Variants in AGBL1 observed in about 807,000 individuals in gnomAD.
The protein encoded by AGBL1 is AGBL carboxypeptidase 1.
Under a neutral mutation model 118.9 loss-of-function variants are expected in AGBL1, and 130 were observed. The ratio of observed to expected loss-of-function variants is 1.09; its 90% confidence interval spans 0.95 to 1.26. The LOEUF is 1.26. Ranked by LOEUF, AGBL1 falls within the 50% of genes most tolerant of loss-of-function variation. The probability of loss-of-function intolerance (pLI) is 0.00; values close to 1 mark genes in which losing one functional copy is unlikely to be tolerated. For missense variants in AGBL1, 1,584 were observed against 1,298.1 expected (o/e 1.22, Z -3.38); for synonymous variants, 555 against 478.9 (o/e 1.16, Z -2.08).
At chr15:86,781,362 T>G (rs2078333505) in intron 22 of AGBL1, among the ~76,000 whole-genome samples, 1 of 152,216 alleles carries the variant, frequency 6.6e-6, no homozygotes, top group Non-Finnish European at 1.5e-5. Context: ...GTGCACATTA[T>G]GCCTCTAATT....
At chr15:86,112,195 C>T (rs1897430706) in intron 1 of AGBL1, among the ~76,000 whole-genome samples, 1 of 151,878 alleles carries the variant, frequency 6.6e-6, no homozygotes, top group South Asian at 2.1e-4. Context: ...CAACTACCAC[C>T]CCACACCCAC....
intron 18 of AGBL1, among the ~76,000 whole-genome samples, chr15:86,438,689 T>C (rs1430468311): frequency 6.9e-6 from 1 of 145,000 alleles, no homozygotes; most frequent in Non-Finnish European, 1.5e-5. Context: ...TGAGGTGGAG[T>C]CTCGCTCTGT....
intron 5 of AGBL1, among the ~76,000 whole-genome samples, chr15:86,163,039 C>T (rs2077289153): frequency 6.6e-6 from 1 of 152,236 alleles, no homozygotes; most frequent in Admixed American, 6.5e-5. Flanking sequence ...TGTCTTTTCT[C>T]CTCCCTAAAT....
chr15:86,419,107 A>T (rs370574753), intron 18 of AGBL1, among the ~76,000 whole-genome samples: 7 of 151,946 alleles, frequency 4.6e-5, no homozygotes, highest in African/African-American at 1.7e-4. Context: ...ATATCTTGGC[A>T]CTTTTGTCCA....
intron 18 of AGBL1, among the ~76,000 whole-genome samples, chr15:86,413,903 C>T (rs2142013900): frequency 6.6e-6 from 1 of 151,920 alleles, no homozygotes; most frequent in East Asian, 1.9e-4. Flanking sequence ...TTCACAGTAG[C>T]AAAGATGTGG....
intron 21 of AGBL1, among the ~76,000 whole-genome samples, chr15:86,644,022 A>G (rs2085233823): frequency 1.3e-5 from 2 of 152,184 alleles, no homozygotes; most frequent in South Asian, 4.1e-4. Flanking sequence ...TAAACAAAAA[A>G]TTTTAAACTA....
chr15:86,151,765 GT>G (rs2077114727), intron 3 of AGBL1, among the ~76,000 whole-genome samples: 1 of 152,098 alleles, frequency 6.6e-6, no homozygotes, highest in African/African-American at 2.4e-5. Context: ...ATGATTGTAT[GT>G]TTAGAAAACC....
chr15:86,495,858 T>A (rs778869742), intron 18 of AGBL1, among the ~76,000 whole-genome samples: 3 of 151,970 alleles, frequency 2.0e-5, no homozygotes, highest in Non-Finnish European at 2.9e-5. Context: ...TTTTTCCTAT[T>A]TGATCTGTAT....
At chr15:86,326,942 T>TA (rs2080193510) in intron 17 of AGBL1, among the ~76,000 whole-genome samples, 1 of 150,520 alleles carries the variant, frequency 6.6e-6, no homozygotes, top group African/African-American at 2.5e-5. Context: ...TTTTTTTTTT[T>TA]AATTTTGCAC....
At chr15:86,301,299 T>C (rs939737494) in intron 17 of AGBL1, among the ~76,000 whole-genome samples, 1 of 152,060 alleles carries the variant, frequency 6.6e-6, no homozygotes, top group Non-Finnish European at 1.5e-5. Context: ...GGTGAGAGAT[T>C]GGGCTGAGGG....
At chr15:86,805,508 G>T (rs1367304427) in intron 22 of AGBL1, among the ~76,000 whole-genome samples, 4 of 151,768 alleles carry the variant, frequency 2.6e-5, no homozygotes, top group Non-Finnish European at 4.4e-5. Flanking sequence ...AATGTGTAGG[G>T]CTCTGTGCTG....
intron 22 of AGBL1, among the ~76,000 whole-genome samples, chr15:86,827,937 G>GTTTTTTTTTTTTTTTTTTTTT (rs71460225): frequency 2.4e-3 from 19 of 7,784 alleles, no homozygotes; most frequent in Non-Finnish European, 3.0e-3. Flanking sequence ...TTGATGTAGG[G>GTTTTTTTTTTTTTTTTTTTTT]CTTTTTTTTT....
At chr15:86,112,880 T>C (rs1897484044) in intron 1 of AGBL1, among the ~76,000 whole-genome samples, 1 of 152,260 alleles carries the variant, frequency 6.6e-6, no homozygotes, top group African/African-American at 2.4e-5. Context: ...TATTAGCTAT[T>C]TGAATTTCTA....
intron 22 of AGBL1, among the ~76,000 whole-genome samples, chr15:86,782,258 A>G (rs1364024661): frequency 2.6e-5 from 4 of 152,048 alleles, no homozygotes; most frequent in Non-Finnish European, 5.9e-5. Context: ...TTATTTGACA[A>G]TAGTATTTAT....
intron 7 of AGBL1, among the ~76,000 whole-genome samples, chr15:86,249,597 T>C (rs1306282685): frequency 6.6e-6 from 1 of 152,180 alleles, no homozygotes; most frequent in African/African-American, 2.4e-5. Flanking sequence ...TCTAAGCTTG[T>C]GGTTGCCCAA....
chr15:87,012,192 TACACACACAC>T (rs57985975), intron 24 of AGBL1, among the ~76,000 whole-genome samples: 14 of 142,680 alleles, frequency 9.8e-5, no homozygotes, highest in Admixed American at 2.8e-4. Flanking sequence ...TACAAATTTA[TACACACACAC>T]ACACACACAC....
chr15:86,437,311 C>G (rs530656243), intron 18 of AGBL1, among the ~76,000 whole-genome samples: 2 of 152,160 alleles, frequency 1.3e-5, no homozygotes, highest in Admixed American at 6.5e-5. Flanking sequence ...TTGTGAAGCA[C>G]TAGCCCAGTG....
chr15:86,416,206 AG>A (rs748108835), intron 18 of AGBL1, among the ~76,000 whole-genome samples: 3 of 152,320 alleles, frequency 2.0e-5, no homozygotes, highest in Admixed American at 1.3e-4. Context: ...CTCGTTTCTA[AG>A]AAGTGGATTG....
chr15:86,333,547 T>G (rs1337813764), intron 17 of AGBL1, among the ~76,000 whole-genome samples: 1 of 152,070 alleles, frequency 6.6e-6, no homozygotes, highest in East Asian at 1.9e-4. Context: ...ATGAAAAACT[T>G]ATCAACCAAA....
Sources: allele counts gnomAD v4.1 joint callset (sites outside exome capture counted in the v4.1 genomes callset), GRCh38; gene constraint gnomAD v4.1.1; transcripts MANE v1.5; gene names NCBI Gene and HGNC (gene_info 2026-07-23, HGNC 2026-07-21).